Variants in CBLN4 observed in about 807,000 individuals in gnomAD.
The protein encoded by CBLN4 is cerebellin 4 precursor.
CBLN4 carries 7 observed loss-of-function variants against 14.9 expected under a neutral mutation model. The ratio of observed to expected loss-of-function variants is 0.47; its 90% CI spans 0.27 to 0.88. The LOEUF is 0.88. Among genes scored for constraint, CBLN4 ranks in the 40% least tolerant of loss-of-function variants. The pLI, the probability that CBLN4 is intolerant of heterozygous loss-of-function variation, is 0.14. For missense variants in CBLN4, 188 were observed against 256.8 expected, an observed-to-expected ratio of 0.73 and a Z score of 1.83; for synonymous variants, 131 against 116.5, an observed-to-expected ratio of 1.12 and a Z score of -0.80.
At position 56,003,886 on chromosome 20, in the gene CBLN4, C is replaced by G; in HGVS notation, c.286G>C (p.Asp96His). 6.2e-7 allele frequency: 1 copy of G among 1,608,994 alleles called. No homozygotes were observed. The highest frequency in any genetic ancestry group is 8.5e-7 in the Non-Finnish European group (1 of 1,177,434). Residue 96 changes from aspartate (D) to histidine (H), a missense_variant, in exon 1 of 3, where the codon GAT (aspartate) becomes CAT (histidine). By Grantham distance (81) the Asp-to-His change is moderately conservative. This residue lies in a region of CBLN4 where 93 missense variants were observed against 157.7 expected (regional missense o/e 0.59). Transcript: ENST00000064571. ...MSNKTRIIYF[D>H]QILVNVGNFF... ...CGCTTCCCCCCGGGTCTGACCTGATCGAAGTAAATGATGCGCGTCTTGTTG... is the reference window on the plus strand; with the variant it reads ...CGCTTCCCCCCGGGTCTGACCTGATGGAAGTAAATGATGCGCGTCTTGTTG...
In CBLN4 at chr20:55,998,345, G is replaced by T; in HGVS notation, c.*212C>A. 1.7e-6 allele frequency: 1 copy of T among 583,922 alleles called. No individual in the cohort carries two copies. The highest frequency in any genetic ancestry group is 3.2e-5 in the Admixed American group (1 of 31,486). The allele number at this position is 583,922 out of a possible 1,614,324, so 36.2% of individuals were successfully genotyped here. On this transcript the variant is annotated 3_prime_UTR_variant, in exon 3 of 3. Transcript: ENST00000064571. The stretch of plus-strand genomic sequence containing the variant: ...TTACATTTAAGCATAGGTATTATCT[G>T]CTTAGAGTCCCAATCCAAATATACT...
In CBLN4 at chr20:56,004,282, T is replaced by G; in HGVS notation, c.-111A>C. 8.8e-7 allele frequency: 1 copy of G among 1,142,234 alleles called. No homozygotes were observed. The highest frequency in any genetic ancestry group is 1.2e-6 in the Non-Finnish European group (1 of 866,122). 70.8% of individuals were successfully genotyped at this position (1,142,234 alleles called of 1,614,324 possible). On this transcript the variant is annotated 5_prime_UTR_variant, in exon 1 of 3. Coordinates refer to ENST00000064571, the MANE Select transcript of CBLN4 (RefSeq NM_080617.6). The surrounding 1 kb of genome is among the most constrained non-coding windows in gnomAD (Gnocchi z 6.1). ...ATGCTAGCGGCTAGGTCGACAGCGC[T>G]GCAGGAGCGACGGCGGCGGCGGCGC...
At chr20:56,000,235 G>C (rs532319102) in intron 2 of CBLN4, among the ~76,000 whole-genome samples, 1 of 152,324 alleles carries the variant, frequency 6.6e-6, no homozygotes, top group African/African-American at 2.4e-5. Context: ...CATACGCATA[G>C]AACACCGTTT....
rs1228626286 is a variant in CBLN4 at position 55,997,983 on chromosome 20, T to TA, written c.*573dup. ...GAGAGAAGTCATGTCGATGATATCG[T>TA]AGTCAAGGTAAATTTGTGGGCAAGC... On this transcript the variant is annotated 3_prime_UTR_variant, in exon 3 of 3. Coordinates refer to ENST00000064571, the MANE Select transcript of CBLN4 (RefSeq NM_080617.6). The TA allele has an allele frequency of 9.2e-5, 14 of 152,452 alleles. No homozygotes were observed. The highest frequency in any genetic ancestry group is 1.9e-4 in the Non-Finnish European group (13 of 68,016). 9.4% of individuals were successfully genotyped at this position (152,452 alleles called of 1,614,324 possible). A position where few individuals can be genotyped will look rare whatever the true frequency, so the allele number is the denominator to read the frequency against.
In CBLN4 at chr20:56,004,295, G is replaced by A. The variant is rs1384314877; in HGVS notation, c.-124C>T. Reference sequence around the variant, plus strand: ...GGTCGACAGCGCTGCAGGAGCGACGGCGGCGGCGGCGCGCACACTTCCACC... The same window carrying A: ...GGTCGACAGCGCTGCAGGAGCGACGACGGCGGCGGCGCGCACACTTCCACC... On this transcript the variant is annotated 5_prime_UTR_variant, in exon 1 of 3. Transcript: ENST00000064571. The surrounding 1 kb of genome is among the most constrained non-coding windows in gnomAD (Gnocchi z 6.1). The A allele has an allele frequency of 4.2e-6, 4 of 949,074 alleles. No individual in the cohort carries two copies. The highest frequency in any genetic ancestry group is 5.8e-6 in the Non-Finnish European group (4 of 691,982). The allele number at this position is 949,074 out of a possible 1,614,324, so 58.8% of individuals were successfully genotyped here.
At chr20:56,000,378 C>T (rs1291038804) in intron 2 of CBLN4, among the ~76,000 whole-genome samples, 3 of 152,136 alleles carry the variant, frequency 2.0e-5, no homozygotes, top group Non-Finnish European at 4.4e-5. Flanking sequence ...ACTAGTCTTA[C>T]AAGTTTTTTT....
chr20:55,999,976 AT>A (rs939781921), intron 2 of CBLN4, among the ~76,000 whole-genome samples: 3 of 152,252 alleles, frequency 2.0e-5, no homozygotes, highest in African/African-American at 7.2e-5. Context: ...GTAATCTATC[AT>A]TCATATTGAC....
intron 1 of CBLN4, 45 bp from the exon 2 acceptor site, chr20:56,000,892 T>A (rs200918719): frequency 6.9e-4 from 704 of 1,022,708 alleles, no homozygotes; most frequent in Middle Eastern, 1.0e-3. Context: ...TATATTTTCT[T>A]CTGTAACTAA....
At chr20:55,999,898 A>G (rs1392484942) in intron 2 of CBLN4, among the ~76,000 whole-genome samples, 2 of 152,244 alleles carry the variant, frequency 1.3e-5, no homozygotes, top group African/African-American at 4.8e-5. Context: ...CATATGGAAT[A>G]AATTAAATCT....
intron 1 of CBLN4, among the ~76,000 whole-genome samples, chr20:56,002,713 C>G (rs992943726): frequency 1.9e-4 from 29 of 152,252 alleles, no homozygotes; most frequent in Non-Finnish European, 1.0e-4. Context: ...CTACTTAATT[C>G]TTTAAAAATT....
At chr20:56,003,843 G>T (rs549884116) in intron 1 of CBLN4, 38 bp downstream of exon 1, 65 of 1,554,368 alleles carry the variant, frequency 4.2e-5, no homozygotes, top group Non-Finnish European at 5.4e-5. Flanking sequence ...CCTGGAGACC[G>T]CCCACCCCCT....
In CBLN4 at chr20:55,997,918, T is replaced by C. The variant is rs1986305216; in HGVS notation, c.*639A>G. ...ACTTGGAAAATATGACTCTTTCACA[T>C]ATACAATTAAAATACAACTATGAAG... On this transcript the variant is annotated 3_prime_UTR_variant, in exon 3 of 3. Transcript: ENST00000064571. 6.6e-6 allele frequency: 1 copy of C among 152,556 alleles called. No homozygotes were observed. Among genetic ancestry groups the C allele is most frequent in the South Asian group, 2.1e-4 (1 of 4,836 alleles). The allele number at this position is 152,556 out of a possible 1,614,324, so 9.5% of individuals were successfully genotyped here.
chr20:55,998,899 A>C (rs781615530), intron 2 of CBLN4, 145 bp from the exon 3 acceptor site: 2 of 663,250 alleles, frequency 3.0e-6, no homozygotes, highest in Non-Finnish European at 5.1e-6. Flanking sequence ...AAATTAGCCA[A>C]TTGTGGGGGC....
chr20:55,998,902 GT>G (rs1256952056), intron 2 of CBLN4, 148 bp from the exon 3 acceptor site: 1 of 661,234 alleles, frequency 1.5e-6, no homozygotes, highest in East Asian at 2.7e-5. Flanking sequence ...TTAGCCAATT[GT>G]GGGGGCCATA....
At chr20:55,999,609 A>G (rs1328425446) in intron 2 of CBLN4, among the ~76,000 whole-genome samples, 3 of 152,212 alleles carry the variant, frequency 2.0e-5, no homozygotes, top group African/African-American at 7.2e-5. Context: ...GCCTGGGTGA[A>G]AGAGTGAGAC....
Position 56,000,819 on chromosome 20 carries a change from G to A in CBLN4, c.320C>T (p.Thr107Ile). ...TGGTGCTACAAAGACAGACTCCAAT[G>A]TGAAAAAATTACCCACATTCACCAG... ...QILVNVGNFF[T>I]LESVFVAPRK... Residue 107 changes from threonine to isoleucine, a missense_variant, in exon 2 of 3, where the codon ACA (threonine) becomes ATA (isoleucine). Thr to Ile is a moderately conservative substitution (Grantham distance 89). Around this residue, in one of 2 missense-constraint regions of CBLN4, gnomAD observed 93 missense variants for 157.7 expected, o/e 0.59. Coordinates refer to ENST00000064571, the MANE Select transcript of CBLN4 (RefSeq NM_080617.6). 1 of 1,583,410 alleles carries A rather than the reference G, an allele frequency of 6.3e-7. No individual in the cohort carries two copies. Among genetic ancestry groups the A allele is most frequent in the Non-Finnish European group, 8.6e-7 (1 of 1,165,956 alleles).
At chr20:56,002,017 G>A (rs1368502658) in intron 1 of CBLN4, among the ~76,000 whole-genome samples, 8 of 152,014 alleles carry the variant, frequency 5.3e-5, no homozygotes, top group Admixed American at 4.6e-4. Context: ...TATCTCTTTC[G>A]AACACTGCAT....
intron 2 of CBLN4, among the ~76,000 whole-genome samples, chr20:55,999,705 T>G (rs1986338372): frequency 6.6e-6 from 1 of 152,214 alleles, no homozygotes; most frequent in African/African-American, 2.4e-5. Flanking sequence ...TAGATTTAGA[T>G]TTTAAATTTT....
chr20:55,998,822 A>G, intron 2 of CBLN4, 68 bp from the exon 3 acceptor site: 1 of 1,187,846 alleles, frequency 8.4e-7, no homozygotes, highest in Admixed American at 1.8e-5. Context: ...TGGGGAGAAT[A>G]AATAATGTCT....
Sources: allele counts gnomAD v4.1 joint callset (sites outside exome capture counted in the v4.1 genomes callset), GRCh38; gene constraint gnomAD v4.1.1; regional missense constraint gnomAD v4.1.1; non-coding constraint Gnocchi (gnomAD v3.1); transcripts MANE v1.5; gene names NCBI Gene and HGNC (gene_info 2026-07-23, HGNC 2026-07-21).